KHDRBS1: variants seen among roughly 807,000 people sequenced by gnomAD.
The protein encoded by KHDRBS1 is KH domain-containing, RNA-binding, signal transduction-associated protein 1.
A neutral mutation model predicts 48.4 loss-of-function variants in KHDRBS1; 7 were observed. The ratio of observed to expected loss-of-function variants is 0.14; its 90% CI spans 0.08 to 0.27. KHDRBS1 has a LOEUF of 0.27. Among genes scored for constraint, KHDRBS1 ranks in the 10% least tolerant of loss-of-function variants. The pLI is 1.00. For missense variants in KHDRBS1, 458 were observed against 601.2 expected, an observed-to-expected ratio of 0.76 and a Z score of 2.49; for synonymous variants, 241 against 235.8, an observed-to-expected ratio of 1.02 and a Z score of -0.20.
At chr1:32,050,133 C>T (rs1204290803) in intron 10 of KHDRBS1, among the ~76,000 whole-genome samples, 2 of 152,110 alleles carry the variant, frequency 1.3e-5, no homozygotes, top group African/African-American at 2.4e-5. Flanking sequence ...TTTGCATTTC[C>T]CTAATGACTA....
chr1:32,036,163 A>ATTTTTTTTTTTTTTTTT (rs397742842), intron 4 of KHDRBS1, among the ~76,000 whole-genome samples: 5 of 60,470 alleles, frequency 8.3e-5, no homozygotes, highest in African/African-American at 3.7e-4. Context: ...CATTTTGAAG[A>ATTTTTTTTTTTTTTTTT]TTTTTTTTTT....
intron 8 of KHDRBS1, among the ~76,000 whole-genome samples, chr1:32,041,163 GA>G (rs1363898083): frequency 6.6e-6 from 1 of 152,028 alleles, no homozygotes; most frequent in Non-Finnish European, 1.5e-5. Context: ...AACAGAATTA[GA>G]GAAATAAACT....
At chr1:32,029,805 C>A (rs139516833) in intron 1 of KHDRBS1, among the ~76,000 whole-genome samples, 1 of 152,196 alleles carries the variant, frequency 6.6e-6, no homozygotes, top group South Asian at 2.1e-4. Context: ...TTAGGTCACA[C>A]GACTAGTGAG....
At chr1:32,038,463 A>G in intron 6 of KHDRBS1, 89 bp from the exon 7 acceptor site, 2 of 1,255,118 alleles carry the variant, frequency 1.6e-6, no homozygotes, top group South Asian at 2.5e-5. Flanking sequence ...TTAATTCAGA[A>G]GCCTACTTAC....
At position 32,014,072 on chromosome 1, in the gene KHDRBS1, C is replaced by T; in HGVS notation, c.77C>T (p.Ala26Val). Residue 26 changes from alanine to valine, a missense_variant, in exon 1 of 9, where the codon GCC becomes GTC. Physicochemically the swap from Ala to Val is moderately conservative, Grantham distance 64. Around this residue, in one of 3 missense-constraint regions of KHDRBS1, gnomAD observed 213 missense variants for 215.6 expected, o/e 0.99. Transcript: ENST00000327300. ...GRSGSMDPSGAHPSVRQTPSR... is the reference protein window; with the variant it reads ...GRSGSMDPSGVHPSVRQTPSR... ...AGCGGCTCCATGGACCCCTCCGGTG[C>T]CCACCCCTCGGTGCGTCAGACGCCG... 6.7e-7 allele frequency: 1 copy of T among 1,490,144 alleles called. No homozygotes were observed. Among genetic ancestry groups the T allele is most frequent in the Non-Finnish European group, 8.9e-7 (1 of 1,127,978 alleles). The allele number at this position is 1,490,144 out of a possible 1,614,324, so 92.3% of individuals were successfully genotyped here. A position where few individuals can be genotyped will look rare whatever the true frequency, so the allele number is the denominator to read the frequency against.
chr1:32,018,272 A>G (rs1275040721), intron 1 of KHDRBS1, among the ~76,000 whole-genome samples: 1 of 151,508 alleles, frequency 6.6e-6, no homozygotes, highest in Non-Finnish European at 1.5e-5. Flanking sequence ...CAGCCTGGCC[A>G]ACGTGGTGAA....
At chr1:32,024,467 C>T (rs1054233013) in intron 1 of KHDRBS1, among the ~76,000 whole-genome samples, 1 of 151,566 alleles carries the variant, frequency 6.6e-6, no homozygotes, top group Non-Finnish European at 1.5e-5. Flanking sequence ...TACGCCACCA[C>T]ACTGAGCTAA....
intron 4 of KHDRBS1, among the ~76,000 whole-genome samples, chr1:32,035,568 C>G (rs983299330): frequency 3.3e-5 from 5 of 152,164 alleles, no homozygotes; most frequent in Admixed American, 1.3e-4. Context: ...GACCAGAGCC[C>G]TCCATTTTCC....
chr1:32,019,292 G>A (rs559590883), intron 1 of KHDRBS1, among the ~76,000 whole-genome samples: 1 of 152,184 alleles, frequency 6.6e-6, no homozygotes, highest in African/African-American at 2.4e-5. Context: ...TCTCACGCCT[G>A]TAATCCCAGC....
rs1266874204 is a variant in KHDRBS1, at chr1:32,031,622, A to C, written c.606A>C (p.Ser202=). 1.2e-6 allele frequency: 2 copies of C among 1,607,614 alleles called. No homozygotes were observed. Among genetic ancestry groups the C allele is most frequent in the Admixed American group, 1.7e-5 (1 of 58,518 alleles). ...GAKISVLGKG[S]MRDKAKEEEL... The stretch of plus-strand genomic sequence containing the variant: ...AGATCTCTGTATTGGGAAAGGGCTC[A>C]ATGAGAGACAAAGCCAAGGTAAGCT... Residue 202 remains serine (S), a synonymous_variant, in exon 3 of 9, where the codon TCA becomes TCC. Transcript: ENST00000327300.
At chr1:32,051,856 A>G (rs1188566366) in intron 10 of KHDRBS1, among the ~76,000 whole-genome samples, 2 of 152,208 alleles carry the variant, frequency 1.3e-5, no homozygotes, top group Non-Finnish European at 2.9e-5. Context: ...GGCCACCAAA[A>G]ATGTGGATTA....
chr1:32,023,808 A>G (rs1638908777), intron 1 of KHDRBS1, among the ~76,000 whole-genome samples: 1 of 152,214 alleles, frequency 6.6e-6, no homozygotes, highest in African/African-American at 2.4e-5. Flanking sequence ...AGACACCCAT[A>G]AAGCCCTTTT....
At position 32,038,154 on chromosome 1, in the gene KHDRBS1, C is replaced by G. The variant is rs16834848; in HGVS notation, c.1107+118C>G. The G allele has an allele frequency of 5.6e-3, 8,233 of 1,459,648 alleles. 371 individuals are homozygous for G. In the African/African-American group the frequency reaches 0.1, roughly 18 times the overall value. The allele number at this position is 1,459,648 out of a possible 1,614,324, so 90.4% of individuals were successfully genotyped here. A position where few individuals can be genotyped will look rare whatever the true frequency, so the allele number is the denominator to read the frequency against. ...ATGGACTGCCTGTAAGATTTGCAATCTGCCCTCTTCTCTTGCAGTGAATGT... is the reference window on the plus strand; with the variant it reads ...ATGGACTGCCTGTAAGATTTGCAATGTGCCCTCTTCTCTTGCAGTGAATGT... On this transcript the variant is annotated intron_variant, in intron 6 of 8. Transcript: ENST00000327300.
intron 1 of KHDRBS1, among the ~76,000 whole-genome samples, chr1:32,025,927 ATATTTATT>A (rs577439542): frequency 1.2e-4 from 17 of 146,548 alleles, no homozygotes; most frequent in South Asian, 4.3e-4. Flanking sequence ...ATATATATAT[ATATTTATT>A]TATTTATTTA....
intron 7 of KHDRBS1, 113 bp downstream of exon 7, chr1:32,038,732 G>T: frequency 1.0e-6 from 1 of 986,860 alleles, no homozygotes. Flanking sequence ...TTCGCCTTTT[G>T]AGGGTATCTC....
At chr1:32,025,981 G>A (rs1638962904) in intron 1 of KHDRBS1, among the ~76,000 whole-genome samples, 1 of 150,714 alleles carries the variant, frequency 6.6e-6, no homozygotes, top group Admixed American at 6.6e-5. Context: ...GTCTCGCTGT[G>A]TTGCCCAAGC....
chr1:32,045,126 T>A (rs922256034), downstream of KHDRBS1, among the ~76,000 whole-genome samples: 5 of 152,214 alleles, frequency 3.3e-5, no homozygotes, highest in Non-Finnish European at 5.9e-5. Context: ...AAAAGCTTTC[T>A]GCTCAGCTAT....
chr1:32,025,778 G>C (rs945512212), intron 1 of KHDRBS1, among the ~76,000 whole-genome samples: 1 of 118,892 alleles, frequency 8.4e-6, no homozygotes, highest in Non-Finnish European at 1.6e-5. Flanking sequence ...CTCTCCCTTC[G>C]ATACCCAAGC....
intron 1 of KHDRBS1, among the ~76,000 whole-genome samples, chr1:32,016,602 A>C (rs1484919647): frequency 6.6e-6 from 1 of 152,198 alleles, no homozygotes; most frequent in African/African-American, 2.4e-5. Context: ...ACCAGAGAGC[A>C]GAGTCTACTG....
Sources: gnomAD v4.1 joint callset for allele counts (sites outside exome capture counted in the v4.1 genomes callset) on GRCh38, gnomAD v4.1.1 for gene constraint, gnomAD v4.1.1 regional missense constraint, MANE v1.5 for transcripts, NCBI Gene and HGNC (gene_info 2026-07-23, HGNC 2026-07-21) for gene names.